The following MEGF9 variants were observed in gnomAD, a reference collection of about 807,000 sequenced individuals.
The protein encoded by MEGF9 is multiple EGF like domains 9.
In MEGF9, 6 loss-of-function variants were observed where a neutral mutation model predicts 46.8. That is an observed-to-expected ratio of 0.13 (90% CI 0.07 to 0.25). The LOEUF is 0.25. Among genes scored for constraint, MEGF9 ranks in the 10% least tolerant of loss-of-function variants. The probability of loss-of-function intolerance (pLI) is 1.00; values close to 1 mark genes in which losing one functional copy is unlikely to be tolerated. For synonymous variants in MEGF9, 302 were observed against 330.7 expected, an observed-to-expected ratio of 0.91 and a Z score of 0.94; for missense variants, 683 against 792.4, an observed-to-expected ratio of 0.86 and a Z score of 1.66.
intron 1 of MEGF9, among the ~76,000 whole-genome samples, chr9:120,710,685 T>G (rs996046864): frequency 6.6e-6 from 1 of 152,226 alleles, no homozygotes; most frequent in East Asian, 1.9e-4. Context: ...GCATTAGTTC[T>G]TACAGGAACG....
At chr9:120,639,941 G>T (rs1039280406) in intron 2 of MEGF9, among the ~76,000 whole-genome samples, 6 of 151,948 alleles carry the variant, frequency 3.9e-5, no homozygotes, top group African/African-American at 1.5e-4. Context: ...CACCCTTTAT[G>T]CCCCTAAGCT....
intron 2 of MEGF9, among the ~76,000 whole-genome samples, chr9:120,651,621 T>G (rs1453955052): frequency 6.6e-6 from 1 of 152,050 alleles, no homozygotes; most frequent in Non-Finnish European, 1.5e-5. Flanking sequence ...TATTCTAAAA[T>G]ATATAGCATT....
chr9:120,692,426 A>G (rs2043852422), intron 1 of MEGF9, among the ~76,000 whole-genome samples: 1 of 152,218 alleles, frequency 6.6e-6, no homozygotes, highest in African/African-American at 2.4e-5. Context: ...TTAATGATGG[A>G]AAAGATTTAA....
At chr9:120,660,511 T>C (rs1347199004) in intron 1 of MEGF9, among the ~76,000 whole-genome samples, 1 of 152,214 alleles carries the variant, frequency 6.6e-6, no homozygotes, top group Non-Finnish European at 1.5e-5. Context: ...ATACTAGGTC[T>C]TATTCATTCT....
intron 1 of MEGF9, among the ~76,000 whole-genome samples, chr9:120,677,694 T>C (rs2043779430): frequency 6.6e-6 from 1 of 152,166 alleles, no homozygotes; most frequent in South Asian, 2.1e-4. Context: ...AAAAGAAATG[T>C]GCTAATTTGG....
intron 3 of MEGF9, among the ~76,000 whole-genome samples, chr9:120,619,831 A>G (rs1416260810): frequency 6.6e-6 from 1 of 152,236 alleles, no homozygotes; most frequent in East Asian, 1.9e-4. Context: ...TTACCACAAA[A>G]AAAGAGTACT....
rs1018999142 is a variant in MEGF9, at chr9:120,602,770, A to C, written c.*2420T>G. The stretch of plus-strand genomic sequence containing the variant: ...AATCCTGACCTTTTTTGGGGGGGGC[A>C]GGGGGCGGTGTATCTGGGAGAAAGA... On this transcript the variant is annotated 3_prime_UTR_variant, in exon 6 of 6. Coordinates refer to ENST00000373930, the MANE Select transcript of MEGF9 (RefSeq NM_001080497.3). 1.3e-5 allele frequency: 2 copies of C among 152,084 alleles called. No homozygotes were observed. The highest frequency in any genetic ancestry group is 4.8e-5 in the African/African-American group (2 of 41,498). 9.4% of individuals were successfully genotyped at this position (152,084 alleles called of 1,614,324 possible).
intron 1 of MEGF9, among the ~76,000 whole-genome samples, chr9:120,673,584 C>CTTT (rs146146395): frequency 7.0e-6 from 1 of 142,802 alleles, no homozygotes; most frequent in Non-Finnish European, 1.5e-5. Context: ...AGAAAGGATG[C>CTTT]TTTTTTTTTT....
intron 2 of MEGF9, among the ~76,000 whole-genome samples, chr9:120,641,921 C>T (rs1006504749): frequency 6.6e-6 from 1 of 152,078 alleles, no homozygotes; most frequent in African/African-American, 2.4e-5. Context: ...TCCTCAGTCC[C>T]CTATATTCCT....
chr9:120,687,588 T>C (rs941775760), intron 1 of MEGF9, among the ~76,000 whole-genome samples: 3 of 151,758 alleles, frequency 2.0e-5, no homozygotes, highest in Non-Finnish European at 4.4e-5. Flanking sequence ...TGGAACAATA[T>C]AGAAAAATCT....
chr9:120,608,710 T>A (rs2043431115), intron 4 of MEGF9, among the ~76,000 whole-genome samples: 1 of 152,180 alleles, frequency 6.6e-6, no homozygotes, highest in African/African-American at 2.4e-5. Context: ...CCTCAGTATC[T>A]TCCCTTCCTG....
intron 4 of MEGF9, among the ~76,000 whole-genome samples, chr9:120,609,184 C>G (rs2043433587): frequency 6.6e-6 from 1 of 152,194 alleles, no homozygotes; most frequent in African/African-American, 2.4e-5. Flanking sequence ...CTCCACCACC[C>G]CCTAAGGTTC....
At chr9:120,615,916 A>G (rs1360695945) in intron 3 of MEGF9, among the ~76,000 whole-genome samples, 1 of 152,172 alleles carries the variant, frequency 6.6e-6, no homozygotes, top group Non-Finnish European at 1.5e-5. Context: ...AATAAATTAA[A>G]AAAAGAATAA....
chr9:120,667,047 G>A (rs568518933), intron 1 of MEGF9, among the ~76,000 whole-genome samples: 21 of 152,202 alleles, frequency 1.4e-4, no homozygotes, highest in African/African-American at 3.9e-4. Flanking sequence ...CATCAAATGA[G>A]TAAATTTCAT....
intron 1 of MEGF9, among the ~76,000 whole-genome samples, chr9:120,668,241 A>G (rs2043733950): frequency 6.6e-6 from 1 of 152,238 alleles, no homozygotes; most frequent in African/African-American, 2.4e-5. Context: ...CTAGAGTAAC[A>G]TTAATACTCA....
intron 2 of MEGF9, among the ~76,000 whole-genome samples, chr9:120,638,696 C>G (rs1158553): frequency 0.69 from 104,429 of 152,160 alleles, 36,045 homozygotes; most frequent in South Asian, 0.75. Flanking sequence ...CAATCTGGCA[C>G]CTTGAAGTAG....
intron 1 of MEGF9, among the ~76,000 whole-genome samples, chr9:120,671,956 G>C (rs185580655): frequency 2.0e-5 from 3 of 152,252 alleles, no homozygotes; most frequent in African/African-American, 7.2e-5. Flanking sequence ...TTTGACACTT[G>C]AAAACTAATC....
At chr9:120,684,663 A>G (rs1476300459) in intron 1 of MEGF9, among the ~76,000 whole-genome samples, 1 of 152,188 alleles carries the variant, frequency 6.6e-6, no homozygotes, top group African/African-American at 2.4e-5. Context: ...GGCACAGTAG[A>G]GAAGAAATCC....
intron 1 of MEGF9, among the ~76,000 whole-genome samples, chr9:120,666,627 C>T (rs769542205): frequency 6.6e-6 from 1 of 152,128 alleles, no homozygotes; most frequent in Non-Finnish European, 1.5e-5. Context: ...CTATATGACC[C>T]AGCAATTCCA....
Sources: gnomAD v4.1 joint callset for allele counts (sites outside exome capture counted in the v4.1 genomes callset) on GRCh38, gnomAD v4.1.1 for gene constraint, MANE v1.5 for transcripts, NCBI Gene and HGNC (gene_info 2026-07-23, HGNC 2026-07-21) for gene names.